TANC2: variants seen among roughly 807,000 people sequenced by gnomAD.
TANC2 encodes protein TANC2.
A neutral mutation model predicts 210.5 loss-of-function variants in TANC2; 26 were observed. That is an observed-to-expected ratio of 0.12 (90% confidence interval 0.09 to 0.17). The LOEUF is 0.17. Among genes scored for constraint, TANC2 ranks in the 10% least tolerant of loss-of-function variants. The pLI, the probability that TANC2 is intolerant of heterozygous loss-of-function variation, is 1.00. For missense variants in TANC2, 2,129 were observed against 2,608.9 expected (o/e 0.82, Z 4.01); for synonymous variants, 931 against 967.1 (o/e 0.96, Z 0.69).
intron 4 of TANC2, among the ~76,000 whole-genome samples, chr17:63,121,454 T>A (rs2038472625): frequency 6.6e-6 from 1 of 152,066 alleles, no homozygotes; most frequent in African/African-American, 2.4e-5. Flanking sequence ...TCCATTGGCC[T>A]ACATCAGTGA....
intron 5 of TANC2, among the ~76,000 whole-genome samples, chr17:63,173,750 A>G (rs1029005388): frequency 1.3e-5 from 2 of 152,188 alleles, no homozygotes; most frequent in African/African-American, 4.8e-5. Flanking sequence ...CCCTTTTCAC[A>G]TAATTACACT....
intron 5 of TANC2, among the ~76,000 whole-genome samples, chr17:63,179,483 T>A (rs1198177065): frequency 6.6e-6 from 1 of 152,210 alleles, no homozygotes; most frequent in East Asian, 1.9e-4. Context: ...TATAGTGCAT[T>A]TAGAAAAGTA....
At chr17:63,332,303 C>A (rs774629006) in intron 11 of TANC2, 16 of 332,578 alleles carry the variant, frequency 4.8e-5, no homozygotes, top group Non-Finnish European at 9.5e-5. Context: ...TTCTCCCCTT[C>A]CCCTGCTATT....
intron 9 of TANC2, among the ~76,000 whole-genome samples, chr17:63,274,064 A>T (rs1330395235): frequency 6.6e-6 from 1 of 152,220 alleles, no homozygotes; most frequent in Non-Finnish European, 1.5e-5. Context: ...ATGATTTAAC[A>T]ATACAGGCAT....
At chr17:63,422,494 A>G (rs930396367) in exon 28 of TANC2, 2 of 155,480 alleles carry the variant, frequency 1.3e-5, no homozygotes, top group Non-Finnish European at 2.9e-5. Context: ...TGCAGTGTGC[A>G]TTAGGATTAT....
intron 8 of TANC2, among the ~76,000 whole-genome samples, chr17:63,250,803 A>G (rs545955199): frequency 6.6e-6 from 1 of 152,298 alleles, no homozygotes; most frequent in South Asian, 2.1e-4. Flanking sequence ...TTAGTAAGTA[A>G]TGTTACCCAG....
rs981680075 is a variant in TANC2, at chr17:63,013,756, T to C, written c.67+4130T>C. ...TAGCCTGGGCGACAGAGTGAGACCC[T>C]GTCTTTAAAAAAAAAAAAAAAAAAA... On this transcript the variant is annotated intron_variant, in intron 2 of 27. Transcript: ENST00000689528. 1.7e-3 allele frequency among the ~76,000 whole-genome samples: 185 copies of C among 108,836 alleles called. 2 individuals carry two copies. The East Asian group carries it at 0.038, about 22-fold the overall frequency. 71.4% of individuals were successfully genotyped at this position (108,836 alleles called of 152,430 possible).
At chr17:63,008,423 C>T (rs914479548) in intron 1 of TANC2, among the ~76,000 whole-genome samples, 3 of 152,022 alleles carry the variant, frequency 2.0e-5, no homozygotes, top group African/African-American at 7.3e-5. Context: ...ACCTGTGTCC[C>T]ACTTCATGTT....
rs184455764 is a variant in TANC2 at position 62,985,792 on chromosome 17, A to G, written c.-24+19043A>G. On this transcript the variant is annotated intron_variant, in intron 1 of 27. Transcript: ENST00000689528. ...TTTTTCTTATTTTGTTGAATTGTCT[A>G]TCTGTATTCTCTTGTATCTTGCTGA... Among the ~76,000 whole-genome samples the G allele has an allele frequency of 2.0e-3, 310 of 152,164 alleles. 1 individual carries two copies. Among genetic ancestry groups the G allele is most frequent in the Middle Eastern group, 6.8e-3 (2 of 294 alleles).
At chr17:63,276,376 C>T (rs1598755054) in intron 9 of TANC2, among the ~76,000 whole-genome samples, 1 of 151,858 alleles carries the variant, frequency 6.6e-6, no homozygotes, top group South Asian at 2.1e-4. Flanking sequence ...AATATTTTAT[C>T]AAATATTTCC....
At chr17:63,063,218 CT>C (rs1454914836) in intron 2 of TANC2, among the ~76,000 whole-genome samples, 1 of 152,180 alleles carries the variant, frequency 6.6e-6, no homozygotes, top group African/African-American at 2.4e-5. Flanking sequence ...TCCATGCCCC[CT>C]TGGGGGCACA....
At chr17:63,362,592 C>T (rs1474194357) in intron 14 of TANC2, among the ~76,000 whole-genome samples, 1 of 152,240 alleles carries the variant, frequency 6.6e-6, no homozygotes, top group African/African-American at 2.4e-5. Context: ...GCCTCCCTCC[C>T]ATGCTCGTCA....
At chr17:63,148,770 C>A (rs1003292934) in intron 4 of TANC2, 1 of 152,036 alleles carries the variant, frequency 6.6e-6, no homozygotes, top group East Asian at 1.9e-4. Flanking sequence ...TCTTATGTAC[C>A]ATTTTTTACA....
chr17:63,131,953 T>G (rs968206852), intron 4 of TANC2, among the ~76,000 whole-genome samples: 3 of 152,236 alleles, frequency 2.0e-5, no homozygotes, highest in South Asian at 2.1e-4. Flanking sequence ...AGTTATTTGT[T>G]TCTAGCCATG....
intron 10 of TANC2, among the ~76,000 whole-genome samples, chr17:63,315,822 T>C (rs73994432): frequency 0.012 from 1,895 of 152,304 alleles, 39 homozygotes; most frequent in African/African-American, 0.043. Flanking sequence ...GATAAACTTA[T>C]GGATGTCTAA....
At chr17:62,989,583 G>C (rs2032749009) in intron 1 of TANC2, among the ~76,000 whole-genome samples, 1 of 152,096 alleles carries the variant, frequency 6.6e-6, no homozygotes, top group Non-Finnish European at 1.5e-5. Context: ...AATGATGCAG[G>C]AAGTAGTAGT....
At chr17:63,219,701 A>G (rs1027732528) in intron 7 of TANC2, among the ~76,000 whole-genome samples, 2 of 152,116 alleles carry the variant, frequency 1.3e-5, no homozygotes, top group African/African-American at 4.8e-5. Flanking sequence ...ATGAGCCATC[A>G]CACCCAGCCC....
rs368358169 is a variant in TANC2, at chr17:63,194,114, G to A, written c.557G>A (p.Ser186Asn). 3.3e-5 allele frequency: 54 copies of A among 1,613,086 alleles called. 1 individual carries two copies. The highest frequency in any genetic ancestry group is 4.6e-5 in the Non-Finnish European group (54 of 1,179,576). Residue 186 changes from serine (S) to asparagine (N), a missense_variant, in exon 6 of 28, where the codon AGC becomes AAC. This residue lies in a region of TANC2 where 739 missense variants were observed against 848.0 expected (regional missense o/e 0.87). Coordinates refer to ENST00000689528, the Ensembl canonical transcript of TANC2. ...GAAGTTCAGCCAGGTGACCAATACA[G>A]CATGGAAGTACAGGATGAAAATCAG...
At chr17:63,134,873 G>A (rs747792258) in intron 4 of TANC2, among the ~76,000 whole-genome samples, 5 of 152,162 alleles carry the variant, frequency 3.3e-5, no homozygotes, top group African/African-American at 7.2e-5. Flanking sequence ...TATCTTGAAA[G>A]ATGCTGGAAA....
Sources: allele counts gnomAD v4.1 joint callset (sites outside exome capture counted in the v4.1 genomes callset), GRCh38; gene constraint gnomAD v4.1.1; regional missense constraint gnomAD v4.1.1; transcripts MANE v1.5; gene names NCBI Gene and HGNC (gene_info 2026-07-23, HGNC 2026-07-21).